Variants in NUP210 observed in about 807,000 individuals in gnomAD.
The protein encoded by NUP210 is nucleoporin 210, also known as nuclear pore membrane glycoprotein 210.
Under a neutral mutation model 196.0 loss-of-function variants are expected in NUP210, and 151 were observed. The ratio of observed to expected loss-of-function variants is 0.77; its 90% confidence interval spans 0.67 to 0.88. The LOEUF (loss-of-function observed/expected upper bound fraction) is 0.88. NUP210 is among the 40% of genes least tolerant of loss of function. The pLI is 0.00. For missense variants in NUP210, 2,314 were observed against 2,493.7 expected (o/e 0.93, Z 1.53); for synonymous variants, 1,070 against 1,052.7 (o/e 1.02, Z -0.32).
In NUP210 at chr3:13,341,985, G is replaced by GGA; in HGVS notation, c.3092+9_3092+10dup. 3 of 1,613,974 alleles carry GGA rather than the reference G, an allele frequency of 1.9e-6. No homozygotes were observed. The highest frequency in any genetic ancestry group is 2.5e-6 in the Non-Finnish European group (3 of 1,179,894). On this transcript the variant is annotated intron_variant, in intron 22 of 39. Transcript: ENST00000254508. ...CTGAGGTGCCCTCCTCTGACCCCTA[G>GGA]GAGAACTCACACCAATGTAATGATC...
Position 13,330,467 on chromosome 3 carries a change from G to T in NUP210, c.4103C>A (p.Ala1368Asp). 6.2e-7 allele frequency: 1 copy of T among 1,613,876 alleles called. No individual in the cohort carries two copies. Among genetic ancestry groups the T allele is most frequent in the Non-Finnish European group, 8.5e-7 (1 of 1,179,844 alleles). The change falls in exon 30 of 40, where the codon GCT becomes GAT. Residue 1368 changes from alanine (A) to aspartate (D), a missense_variant. Coordinates refer to ENST00000254508, the MANE Select transcript of NUP210 (RefSeq NM_024923.4). ...AGGAGAATGCAACCCTACCTTTACA[G>T]CAACAATGATGGTTTGGTTGGCCCC... is the stretch of plus-strand genomic sequence containing the variant. ...PFGANQTIIV[A>D]VKVSPVSYLR...
Position 13,397,385 on chromosome 3 carries a change from C to G in NUP210, c.408G>C (p.Glu136Asp). ...RELYLEDSPL[E>D]LKIQALDSEG... ...CGGAGTCCAGGGCCTGGATCTTCAG[C>G]TCCAGGGGGGAGTCCTCCAGGTAGA... is the stretch of plus-strand genomic sequence containing the variant. The change falls in exon 3 of 40, where the codon GAG becomes GAC. Residue 136 changes from glutamate to aspartate, a missense_variant. Transcript: ENST00000254508. The G allele has an allele frequency of 6.2e-7, 1 of 1,612,046 alleles. No individual in the cohort carries two copies. Among genetic ancestry groups the G allele is most frequent in the Non-Finnish European group, 8.5e-7 (1 of 1,179,258 alleles).
chr3:13,368,309 T>C (rs1034446676), intron 13 of NUP210, among the ~76,000 whole-genome samples: 3 of 152,170 alleles, frequency 2.0e-5, no homozygotes, highest in African/African-American at 7.2e-5. Flanking sequence ...ACTCCTGGGC[T>C]CAAGCAATCC....
chr3:13,397,351 TC>T lies in NUP210; in HGVS notation c.436+5del. The stretch of plus-strand genomic sequence containing the variant: ...CAGAAGACAAACAGGCAGGGGACGT[TC>T]TCACCTTCGGAGTCCAGGGCCTGGA... On this transcript the variant is annotated splice_donor_5th_base_variant and intron_variant, in intron 3 of 39. Transcript: ENST00000254508. The T allele has an allele frequency of 6.2e-7, 1 of 1,608,398 alleles. No homozygotes were observed. Among genetic ancestry groups the T allele is most frequent in the Non-Finnish European group, 8.5e-7 (1 of 1,178,048 alleles).
Position 13,358,343 on chromosome 3 carries a change from G to A in NUP210, c.2207C>T (p.Ala736Val), listed in dbSNP as rs757216924. 5.8e-5 allele frequency: 93 copies of A among 1,613,736 alleles called. No homozygotes were observed. The highest frequency in any genetic ancestry group is 7.7e-5 in the Non-Finnish European group (91 of 1,179,896). ...GAACTTCACCACGGCAGGCTCCACC[G>A]CAGGAAAGGGGTTGGTGAGGCTGGG... ...NKPSLTNPFP[A>V]VEPAVVKFVC... The change falls in exon 16 of 40, where the codon GCG (alanine) becomes GTG (valine). Residue 736 changes from alanine (A) to valine (V), a missense_variant. Transcript: ENST00000254508.
chr3:13,398,822 T>C (rs555753908), intron 2 of NUP210, among the ~76,000 whole-genome samples: 12 of 152,262 alleles, frequency 7.9e-5, no homozygotes, highest in African/African-American at 2.9e-4. Flanking sequence ...AGCTATTAAA[T>C]ACTTGAGAGG....
In NUP210 at chr3:13,336,871, G is replaced by A. The variant is rs1352460674; in HGVS notation, c.3600C>T (p.Ser1200=). 1 of 1,613,914 alleles carries A rather than the reference G, an allele frequency of 6.2e-7. No homozygotes were observed. The highest frequency in any genetic ancestry group is 8.5e-7 in the Non-Finnish European group (1 of 1,179,900). The change falls in exon 27 of 40, where the codon TCC becomes TCT. Residue 1200 remains serine, a synonymous_variant. Coordinates refer to ENST00000254508, the MANE Select transcript of NUP210 (RefSeq NM_024923.4). The stretch of plus-strand genomic sequence containing the variant: ...TCAGGCCTGGCACGGCATTGCCAAA[G>A]GAGAAAGGGTTCTGGTGGTTGGTGA... The part of the protein sequence containing the change: ...TGITNHQNPF[S]FGNAVPGLTF...
At position 13,376,049 on chromosome 3, in the gene NUP210, T is replaced by G. The variant is rs1224208446; in HGVS notation, c.1293+242A>C. ...CCCTTCCAGGCCAGGAGGCCTTCTG[T>G]GCGGGGTAGGAAAATGGGAACACCC... On this transcript the variant is annotated intron_variant, in intron 10 of 39. Coordinates refer to ENST00000254508, the MANE Select transcript of NUP210 (RefSeq NM_024923.4). 4.6e-5 allele frequency among the ~76,000 whole-genome samples: 7 copies of G among 152,300 alleles called. No homozygotes were observed. In the East Asian group the frequency reaches 1.4e-3, roughly 29 times the overall value.
Position 13,342,001 on chromosome 3 carries a change from T to A in NUP210, c.3087A>T (p.Thr1029=), listed in dbSNP as rs767517359. ...TGACCCCTAGGAGAACTCACACCAA[T>A]GTAATGATCGGGGAGGCTGCTCGGA... ...LKLRAASPII[T]LVALDEALDN... The change falls in exon 22 of 40, where the codon ACA becomes ACT. Residue 1029 remains threonine (T), a synonymous_variant. Transcript: ENST00000254508. 4 of 1,614,136 alleles carry A rather than the reference T, an allele frequency of 2.5e-6. No homozygotes were observed. In the Middle Eastern group the frequency reaches 6.6e-4, roughly 266 times the overall value.
At chr3:13,415,264 A>T (rs754609301) in intron 1 of NUP210, among the ~76,000 whole-genome samples, 4 of 152,316 alleles carry the variant, frequency 2.6e-5, no homozygotes, top group South Asian at 2.1e-4. Context: ...GTCACCTCTT[A>T]TTCAGTGACT....
At position 13,373,834 on chromosome 3, in the gene NUP210, T is replaced by C; in HGVS notation, c.1471A>G (p.Ser491Gly). 1 of 1,614,028 alleles carries C rather than the reference T, an allele frequency of 6.2e-7. No homozygotes were observed. The highest frequency in any genetic ancestry group is 8.5e-7 in the Non-Finnish European group (1 of 1,179,958). The change falls in exon 12 of 40, where the codon AGC becomes GGC. Residue 491 changes from serine to glycine, a missense_variant. Physicochemically the swap from Ser to Gly is moderately conservative, Grantham distance 56 (BLOSUM62 0). Coordinates refer to ENST00000254508, the MANE Select transcript of NUP210 (RefSeq NM_024923.4). ...GSGNFSWSSS[S>G]HLVATVTVKG... ...ACAGTAACTGTGGCAACCAGGTGGCTTGACGAAGACCAGCTGAAGTTCCCA... is the reference window on the plus strand; with the variant it reads ...ACAGTAACTGTGGCAACCAGGTGGCCTGACGAAGACCAGCTGAAGTTCCCA...
Position 13,351,873 on chromosome 3 carries a change from G to A in NUP210, c.2835+6C>T. ...CCAACAGTGGGGACCGATGGCCCAA[G>A]CTTACCATGGCGACACCCCTGGCCT... On this transcript the variant is annotated splice_donor_region_variant and intron_variant, in intron 20 of 39. Transcript: ENST00000254508. 1 of 1,602,038 alleles carries A rather than the reference G, an allele frequency of 6.2e-7. No homozygotes were observed. Among genetic ancestry groups the A allele is most frequent in the Non-Finnish European group, 8.6e-7 (1 of 1,169,158 alleles).
At chr3:13,321,369 A>G (rs887229127) in intron 36 of NUP210, among the ~76,000 whole-genome samples, 3 of 152,264 alleles carry the variant, frequency 2.0e-5, no homozygotes, top group Non-Finnish European at 4.4e-5. Flanking sequence ...GGGGAAGACC[A>G]GCAGCGGTCA....
chr3:13,328,392 C>G (rs574142111), intron 31 of NUP210, among the ~76,000 whole-genome samples: 43 of 152,368 alleles, frequency 2.8e-4, no homozygotes, highest in Middle Eastern at 3.4e-3. Context: ...CCAGTTCTTT[C>G]CATAAGGCAA....
At chr3:13,337,033 G>A in intron 26 of NUP210, 115 bp from the exon 27 acceptor site, 1 of 1,305,922 alleles carries the variant, frequency 7.7e-7, no homozygotes. Context: ...TCCCCAACTA[G>A]AGAAGAGCAT....
chr3:13,393,872 A>T (rs1200379072), intron 3 of NUP210, among the ~76,000 whole-genome samples: 1 of 152,052 alleles, frequency 6.6e-6, no homozygotes, highest in Non-Finnish European at 1.5e-5. Context: ...CAGAGGATCT[A>T]CCTCCCCTGT....
intron 16 of NUP210, among the ~76,000 whole-genome samples, chr3:13,355,325 G>T (rs1482263288): frequency 6.6e-6 from 1 of 152,186 alleles, no homozygotes; most frequent in Non-Finnish European, 1.5e-5. Flanking sequence ...ATGGGACTAG[G>T]GGGAAGCTTC....
chr3:13,399,958 C>A (rs1699781589), intron 1 of NUP210, 97 bp from the exon 2 acceptor site: 4 of 1,425,042 alleles, frequency 2.8e-6, no homozygotes, highest in Non-Finnish European at 3.8e-6. Flanking sequence ...AGGGCGCAGT[C>A]CTGGACCCAA....
rs372721157 is a variant in NUP210, at chr3:13,361,351, C to T, written c.1933-860G>A. Among the ~76,000 whole-genome samples, 71 of 152,314 alleles carry T rather than the reference C, an allele frequency of 4.7e-4. 1 individual carries two copies. The highest frequency in any genetic ancestry group is 1.7e-3 in the African/African-American group (70 of 41,568). On this transcript the variant is annotated intron_variant, in intron 14 of 39. Transcript: ENST00000254508. ...CAAAGGAAGAATTAAAGTAGTATTT[C>T]ACACAAAGCTCTCATTTCCTCCATG...
Sources: allele counts gnomAD v4.1 joint callset (sites outside exome capture counted in the v4.1 genomes callset), GRCh38; gene constraint gnomAD v4.1.1; transcripts MANE v1.5; gene names NCBI Gene and HGNC (gene_info 2026-07-23, HGNC 2026-07-21).